The following ARHGEF3 variants were observed in gnomAD, a reference collection of about 807,000 sequenced individuals.
ARHGEF3 encodes the protein 59.8 kDA protein.
ARHGEF3 carries 28 observed loss-of-function variants against 63.2 expected under a neutral mutation model. That is an observed-to-expected ratio of 0.44 (90% CI 0.33 to 0.61). The LOEUF (loss-of-function observed/expected upper bound fraction) is 0.61. ARHGEF3 is among the 20% of genes least tolerant of loss of function. ARHGEF3 has a pLI of 0.03. For missense variants in ARHGEF3, 533 were observed against 659.3 expected (o/e 0.81, Z 2.10); for synonymous variants, 266 against 254.2 (o/e 1.05, Z -0.44).
At chr3:56,790,235 G>A (rs1030379426) in intron 1 of ARHGEF3, among the ~76,000 whole-genome samples, 11 of 152,168 alleles carry the variant, frequency 7.2e-5, no homozygotes, top group Admixed American at 5.9e-4. Flanking sequence ...TAGGCCTTTG[G>A]AACCTGGGCA....
chr3:56,919,731 A>G (rs191633255), intron 3 of ARHGEF3, among the ~76,000 whole-genome samples: 2 of 152,338 alleles, frequency 1.3e-5, no homozygotes, highest in Admixed American at 6.5e-5. Context: ...ATGAGCACTT[A>G]CCATGTATTT....
chr3:56,811,764 T>C (rs2038073750), intron 4 of ARHGEF3, among the ~76,000 whole-genome samples: 2 of 152,214 alleles, frequency 1.3e-5, no homozygotes, highest in South Asian at 2.1e-4. Flanking sequence ...ACTTAGTCAC[T>C]AGTTCCCCAG....
intron 2 of ARHGEF3, among the ~76,000 whole-genome samples, chr3:56,762,452 A>G (rs1397770538): frequency 6.6e-6 from 1 of 152,132 alleles, no homozygotes; most frequent in Admixed American, 6.5e-5. Flanking sequence ...TGTGGAAAAG[A>G]TGCTGCAGAT....
intron 2 of ARHGEF3, among the ~76,000 whole-genome samples, chr3:57,029,920 C>G (rs982206036): frequency 2.6e-5 from 4 of 152,088 alleles, no homozygotes; most frequent in African/African-American, 9.7e-5. Context: ...GAGCAGGTCC[C>G]AAACAGCCTT....
At chr3:57,012,539 G>A (rs868001226) in intron 2 of ARHGEF3, among the ~76,000 whole-genome samples, 1 of 152,168 alleles carries the variant, frequency 6.6e-6, no homozygotes, top group Non-Finnish European at 1.5e-5. Context: ...GATTACAGGC[G>A]TGAGCCACTG....
In ARHGEF3 at chr3:56,943,921, A is replaced by G. The variant is rs535688749; in HGVS notation, c.129+14902T>C. ...AGAGAGAGACTCCGACTCAAAAAAA[A>G]AAAAAACCTCTTTGGAAGGCTGAGG... On this transcript the variant is annotated intron_variant, in intron 3 of 12. Coordinates refer to the ARHGEF3 transcript ENST00000338458. 1.2e-3 allele frequency among the ~76,000 whole-genome samples: 179 copies of G among 152,004 alleles called. 2 individuals are homozygous for G. Among genetic ancestry groups the G allele is most frequent in the African/African-American group, 4.2e-3 (175 of 41,478 alleles).
At position 56,773,817 on chromosome 3, in the gene ARHGEF3, C is replaced by A; in HGVS notation, c.97-1G>T. 1 of 1,582,404 alleles carries A rather than the reference C, an allele frequency of 6.3e-7. No individual in the cohort carries two copies. Among genetic ancestry groups the A allele is most frequent in the Non-Finnish European group, 8.6e-7 (1 of 1,169,516 alleles). On this transcript the variant is annotated splice_acceptor_variant, in intron 1 of 9. Coordinates refer to ENST00000296315, the MANE Select transcript of ARHGEF3 (RefSeq NM_019555.3). LOFTEE classifies it high-confidence loss of function. ...GTTTGACCCGTTTATTACTAGGCTC[C>A]TATAGAGTTAAAAAAAAAAAAAAGT...
intron 4 of ARHGEF3, among the ~76,000 whole-genome samples, chr3:56,845,819 G>C (rs1397462620): frequency 1.3e-5 from 2 of 152,182 alleles, no homozygotes; most frequent in East Asian, 3.8e-4. Context: ...CAGGTTTGTT[G>C]AATGAATAAA....
chr3:57,071,102 C>T (rs1705875375), intron 1 of ARHGEF3, among the ~76,000 whole-genome samples: 2 of 151,888 alleles, frequency 1.3e-5, no homozygotes, highest in Admixed American at 6.6e-5. Context: ...GCAATACTGG[C>T]ATAAGGATAG....
At chr3:56,742,794 T>G (rs1041765477) in intron 7 of ARHGEF3, among the ~76,000 whole-genome samples, 1 of 152,096 alleles carries the variant, frequency 6.6e-6, no homozygotes, top group Non-Finnish European at 1.5e-5. Flanking sequence ...AGATGCAGAG[T>G]GAACTTTTGA....
rs1388757667 is a variant in ARHGEF3, at chr3:56,893,416, T to A, written c.130-11062A>T. ...CTAGTCTTGAACTCTTGGGCTCAAG[T>A]GATCCTCCTGCCTTGGCCTGCCCAA... On this transcript the variant is annotated intron_variant, in intron 3 of 12. Coordinates refer to the ARHGEF3 transcript ENST00000338458. Among the ~76,000 whole-genome samples, 4 of 152,164 alleles carry A rather than the reference T, an allele frequency of 2.6e-5. No homozygotes were observed. In the East Asian group the frequency reaches 7.7e-4, roughly 29 times the overall value.
chr3:57,066,276 T>A (rs994401061), intron 1 of ARHGEF3, among the ~76,000 whole-genome samples: 7 of 151,870 alleles, frequency 4.6e-5, no homozygotes, highest in African/African-American at 1.7e-4. Context: ...CTTTCTTTTT[T>A]TTTTTTTCTG....
intron 2 of ARHGEF3, among the ~76,000 whole-genome samples, chr3:57,002,485 A>ATGT (rs1702262047): frequency 8.9e-5 from 4 of 45,080 alleles, no homozygotes; most frequent in African/African-American, 2.8e-4. Flanking sequence ...TATGTTATAT[A>ATGT]TATATATATA....
At position 56,795,653 on chromosome 3, in the gene ARHGEF3, C is replaced by CTTTT. The variant is rs1324495358; in HGVS notation, c.96+6049_96+6050insAAAA. 1.4e-3 allele frequency among the ~76,000 whole-genome samples: 100 copies of CTTTT among 69,266 alleles called. 1 individual carries two copies. The highest frequency in any genetic ancestry group is 6.0e-4 in the Non-Finnish European group (23 of 38,144). 45.4% of individuals were successfully genotyped at this position (69,266 alleles called of 152,430 possible). The stretch of plus-strand genomic sequence containing the variant: ...GATTAACTTGTGACACAGTCTCTCT[C>CTTTT]TCTTTTTTTTTTTTGAAGATGGACT... On this transcript the variant is annotated intron_variant, in intron 1 of 9. Coordinates refer to ENST00000296315, the MANE Select transcript of ARHGEF3 (RefSeq NM_019555.3).
At chr3:56,837,472 G>A (rs1482385261) in intron 4 of ARHGEF3, among the ~76,000 whole-genome samples, 1 of 152,178 alleles carries the variant, frequency 6.6e-6, no homozygotes, top group Admixed American at 6.5e-5. Context: ...AGCTCTGCCT[G>A]ACAGTCCATC....
chr3:56,828,018 T>C (rs1255922161), intron 4 of ARHGEF3, among the ~76,000 whole-genome samples: 1 of 140,830 alleles, frequency 7.1e-6, no homozygotes, highest in Non-Finnish European at 1.5e-5. Context: ...CAAGCCAAGA[T>C]ATACGTGAAG....
At chr3:57,009,128 G>C (rs191657821) in intron 2 of ARHGEF3, among the ~76,000 whole-genome samples, 1 of 152,230 alleles carries the variant, frequency 6.6e-6, no homozygotes, top group Non-Finnish European at 1.5e-5. Flanking sequence ...GGCCCTGTGA[G>C]CCTCAAGTTT....
intron 4 of ARHGEF3, among the ~76,000 whole-genome samples, chr3:56,839,331 GT>G (rs1392790048): frequency 7.2e-5 from 11 of 151,776 alleles, no homozygotes; most frequent in African/African-American, 2.7e-4. Flanking sequence ...AACGTTTTGG[GT>G]TTTTTTGAAT....
intron 3 of ARHGEF3, among the ~76,000 whole-genome samples, chr3:56,893,419 T>A (rs2041188564): frequency 6.6e-6 from 1 of 152,174 alleles, no homozygotes; most frequent in Admixed American, 6.5e-5. Context: ...GCTCAAGTGA[T>A]CCTCCTGCCT....
Sources: gnomAD v4.1 joint callset for allele counts (sites outside exome capture counted in the v4.1 genomes callset) on GRCh38, gnomAD v4.1.1 for gene constraint, MANE v1.5 for transcripts, NCBI Gene and HGNC (gene_info 2026-07-23, HGNC 2026-07-21) for gene names.